Variants in ITIH5 observed in about 807,000 individuals in gnomAD.
ITIH5 encodes the protein inter-alpha-trypsin inhibitor heavy chain 5, also known as inter-alpha-trypsin inhibitor heavy chain H5.
Under a neutral mutation model 77.5 loss-of-function variants are expected in ITIH5, and 65 were observed. The observed-to-expected ratio is 0.84, with a 90% CI of 0.69 to 1.03. The LOEUF (loss-of-function observed/expected upper bound fraction) is 1.03. ITIH5 is among the 50% of genes least tolerant of loss of function. The pLI is 0.00. For synonymous variants in ITIH5, 525 were observed against 494.3 expected (o/e 1.06, Z -0.82); for missense variants, 1,208 against 1,213.1 (o/e 1.00, Z 0.06).
At chr10:7,665,568 G>A (rs1834348400) in intron 1 of ITIH5, among the ~76,000 whole-genome samples, 1 of 152,166 alleles carries the variant, frequency 6.6e-6, no homozygotes, top group South Asian at 2.1e-4. Flanking sequence ...AGACATCCTG[G>A]TACCAAGCCC....
intron 1 of ITIH5, among the ~76,000 whole-genome samples, chr10:7,659,233 G>C (rs887634896): frequency 6.6e-6 from 1 of 151,966 alleles, no homozygotes; most frequent in South Asian, 2.1e-4. Context: ...ACAAAAATTA[G>C]CTGGGCGTCG....
intron 1 of ITIH5, among the ~76,000 whole-genome samples, chr10:7,660,624 G>A (rs1834261536): frequency 6.6e-6 from 1 of 152,202 alleles, no homozygotes; most frequent in Non-Finnish European, 1.5e-5. Flanking sequence ...TAATTTGACT[G>A]ATAGGGGTTG....
intron 11 of ITIH5, chr10:7,572,544 G>GCACATTCT: frequency 8.6e-7 from 1 of 1,156,966 alleles, no homozygotes; most frequent in Non-Finnish European, 1.1e-6. Context: ...ACTCAATGAG[G>GCACATTCT]GTCAGAATGT....
chr10:7,588,991 C>A (rs1270335734), intron 7 of ITIH5, among the ~76,000 whole-genome samples: 2 of 152,234 alleles, frequency 1.3e-5, no homozygotes, highest in African/African-American at 4.8e-5. Context: ...GAATCTGCAG[C>A]CCCAGGACGG....
At chr10:7,664,463 A>AT (rs1306618815) in intron 1 of ITIH5, among the ~76,000 whole-genome samples, 1 of 151,688 alleles carries the variant, frequency 6.6e-6, no homozygotes, top group African/African-American at 2.4e-5. Flanking sequence ...TCTGCGCCCC[A>AT]TCCCAAACCC....
In ITIH5 at chr10:7,631,806, A is replaced by T. The variant is rs1288540174; in HGVS notation, c.652+5422T>A. ...TTTGTTTAATTTTTTTTTTTTTTTT[A>T]AACCAAATCTGACTCTGTCACCCAG... On this transcript the variant is annotated intron_variant, in intron 5 of 13. Transcript: ENST00000397146. 2.7e-5 allele frequency among the ~76,000 whole-genome samples: 4 copies of T among 149,958 alleles called. No individual in the cohort carries two copies. The East Asian group carries it at 5.8e-4, about 22-fold the overall frequency.
chr10:7,560,205 A>G lies in ITIH5; in HGVS notation c.*2878T>C, dbSNP rs557960302. On this transcript the variant is annotated 3_prime_UTR_variant, in exon 14 of 14. Coordinates refer to ENST00000397146, the MANE Select transcript of ITIH5 (RefSeq NM_030569.7). The stretch of plus-strand genomic sequence containing the variant: ...CATTCGTGAGGGCTCTGCCCTCAAG[A>G]CCCAATAACCTTCCAAAGGTCCCAA... 3.5e-4 allele frequency: 57 copies of G among 162,278 alleles called. No homozygotes were observed. Among genetic ancestry groups the G allele is most frequent in the Admixed American group, 3.3e-3 (52 of 15,998 alleles). 10.1% of individuals were successfully genotyped at this position (162,278 alleles called of 1,614,324 possible).
chr10:7,628,819 A>ATGTTGTAGCGTGTCCC (rs1206454616), intron 5 of ITIH5, among the ~76,000 whole-genome samples: 5,102 of 106,282 alleles, frequency 0.048, 615 homozygotes, highest in African/African-American at 0.12. Flanking sequence ...GCATGTGTCC[A>ATGTTGTAGCGTGTCCC]TGTTGTAGCG....
At position 7,644,184 on chromosome 10, in the gene ITIH5, G is replaced by C. The variant is rs972386253; in HGVS notation, c.136-2094C>G. 2.0e-5 allele frequency among the ~76,000 whole-genome samples: 3 copies of C among 151,902 alleles called. No individual in the cohort carries two copies. In the East Asian group the frequency reaches 5.8e-4, roughly 29 times the overall value. On this transcript the variant is annotated intron_variant, in intron 2 of 13. Transcript: ENST00000397146. ...AGCAGGGAGGCAAATATTGCAGTGA[G>C]CCAAGATTGTGCCACTGCACTTCAG...
Position 7,562,575 on chromosome 10 carries a change from C to T in ITIH5, c.*508G>A, listed in dbSNP as rs1832058554. The T allele has an allele frequency of 6.2e-6, 1 of 161,404 alleles. No individual in the cohort carries two copies. The highest frequency in any genetic ancestry group is 2.4e-5 in the African/African-American group (1 of 41,670). 10.0% of individuals were successfully genotyped at this position (161,404 alleles called of 1,614,324 possible). On this transcript the variant is annotated 3_prime_UTR_variant, in exon 14 of 14. Transcript: ENST00000397146. ...TGCCTGATTGGTGGCCTGGACTCAG[C>T]AAGAGATTCCTTTGCAGCAGAGGTT...
At chr10:7,663,657 C>T (rs1249420076) in intron 1 of ITIH5, among the ~76,000 whole-genome samples, 2 of 152,114 alleles carry the variant, frequency 1.3e-5, no homozygotes, top group African/African-American at 2.4e-5. Context: ...ACTTTACTCT[C>T]CTCCCAAAGC....
intron 9 of ITIH5, among the ~76,000 whole-genome samples, chr10:7,577,717 A>G (rs532604646): frequency 6.6e-6 from 1 of 152,262 alleles, no homozygotes; most frequent in African/African-American, 2.4e-5. Flanking sequence ...AGGCCTAGAA[A>G]CCATAGGCTG....
chr10:7,562,918 T>G lies in ITIH5; in HGVS notation c.*165A>C. ...CAGGCTTCCCGCCCCTACCCACCCCTACCCTTCGCCCAGACAGACGTCGGA... is the reference window on the plus strand; with the variant it reads ...CAGGCTTCCCGCCCCTACCCACCCCGACCCTTCGCCCAGACAGACGTCGGA... On this transcript the variant is annotated 3_prime_UTR_variant, in exon 14 of 14. Coordinates refer to ENST00000397146, the MANE Select transcript of ITIH5 (RefSeq NM_030569.7). 2.3e-6 allele frequency: 1 copy of G among 437,020 alleles called. No homozygotes were observed. The highest frequency in any genetic ancestry group is 4.5e-6 in the Non-Finnish European group (1 of 221,038). 27.1% of individuals were successfully genotyped at this position (437,020 alleles called of 1,614,324 possible).
chr10:7,623,474 C>A (rs1461930451), intron 5 of ITIH5, among the ~76,000 whole-genome samples: 1 of 152,140 alleles, frequency 6.6e-6, no homozygotes, highest in Non-Finnish European at 1.5e-5. Flanking sequence ...AAACTGGTAA[C>A]ACAGAGGCAA....
At chr10:7,663,895 A>G (rs1176123704) in intron 1 of ITIH5, among the ~76,000 whole-genome samples, 1 of 152,220 alleles carries the variant, frequency 6.6e-6, no homozygotes, top group African/African-American at 2.4e-5. Context: ...TCCCTGAGAC[A>G]TTGGGACATT....
At chr10:7,601,089 A>G (rs1157708406) in intron 7 of ITIH5, among the ~76,000 whole-genome samples, 3 of 151,954 alleles carry the variant, frequency 2.0e-5, no homozygotes, top group Non-Finnish European at 1.5e-5. Flanking sequence ...AAGAGCTCTT[A>G]ATTGTTATTA....
intron 7 of ITIH5, among the ~76,000 whole-genome samples, chr10:7,610,074 T>C (rs1484349056): frequency 1.5e-4 from 22 of 143,284 alleles, no homozygotes; most frequent in African/African-American, 5.7e-4. Context: ...TTTTTCTTTT[T>C]TTTTTTTTTT....
chr10:7,566,552 C>T, intron 12 of ITIH5, 145 bp from the exon 13 acceptor site: 1 of 669,712 alleles, frequency 1.5e-6, no homozygotes, highest in Non-Finnish European at 2.5e-6. Flanking sequence ...ACACAGAGAC[C>T]CCATCTCTAC....
At chr10:7,581,717 CCTT>C (rs1832557088) in intron 8 of ITIH5, among the ~76,000 whole-genome samples, 3 of 116,276 alleles carry the variant, frequency 2.6e-5, no homozygotes, top group Non-Finnish European at 1.7e-5. Context: ...CTTTTCTTTT[CCTT>C]CTTTTTTTTT....
Sources: allele counts gnomAD v4.1 joint callset (sites outside exome capture counted in the v4.1 genomes callset), GRCh38; gene constraint gnomAD v4.1.1; transcripts MANE v1.5; gene names NCBI Gene and HGNC (gene_info 2026-07-23, HGNC 2026-07-21).